The following ENTREP2 variants were observed in gnomAD, a reference collection of about 807,000 sequenced individuals.
ENTREP2 encodes the protein protein ENTREP2.
At chr15:29,444,142 AAGAAAGACAGAC>A in the ENTREP2 span, among the ~76,000 whole-genome samples, 64 of 137,426 alleles carry the variant, frequency 4.7e-4, 6 homozygotes, top group African/African-American at 1.5e-3. Context: ...GACAGACAGA[AAGAAAGACAGAC>A]AGAAAGAAAG....
the ENTREP2 span, among the ~76,000 whole-genome samples, chr15:29,581,346 A>G: frequency 1.3e-5 from 2 of 152,202 alleles, no homozygotes; most frequent in Non-Finnish European, 2.9e-5. Context: ...CCCTATAGAC[A>G]GTGAGAGCAT....
chr15:29,241,931 C>G, the ENTREP2 span, among the ~76,000 whole-genome samples: 1 of 152,104 alleles, frequency 6.6e-6, no homozygotes, highest in African/African-American at 2.4e-5. Flanking sequence ...GTAGTGCCAG[C>G]TGCCTGGAAG....
At chr15:29,159,092 A>C in the ENTREP2 span, among the ~76,000 whole-genome samples, 3 of 152,188 alleles carry the variant, frequency 2.0e-5, no homozygotes, top group African/African-American at 7.2e-5. Flanking sequence ...CACTGACTTC[A>C]AGAACGAAGC....
chr15:29,122,384 G>C, the ENTREP2 span: 1 of 151,734 alleles, frequency 6.6e-6, no homozygotes, highest in Admixed American at 6.6e-5. Flanking sequence ...GCGCAGGTGT[G>C]TCTGCTGCCG....
the ENTREP2 span, among the ~76,000 whole-genome samples, chr15:29,541,683 C>T: frequency 6.6e-6 from 1 of 152,104 alleles, no homozygotes; most frequent in Non-Finnish European, 1.5e-5. Context: ...AAAAGGCACC[C>T]ATGCTTAAAA....
At chr15:29,279,817 C>T in the ENTREP2 span, among the ~76,000 whole-genome samples, 1 of 152,114 alleles carries the variant, frequency 6.6e-6, no homozygotes, top group African/African-American at 2.4e-5. Flanking sequence ...TTTTCACAAA[C>T]TTTATATCAA....
At chr15:29,643,323 AATAG>A in the ENTREP2 span, among the ~76,000 whole-genome samples, 4 of 152,238 alleles carry the variant, frequency 2.6e-5, no homozygotes, top group African/African-American at 7.2e-5. Flanking sequence ...AAAGGATTAG[AATAG>A]ATAGACATTT....
chr15:29,481,350 G>A, the ENTREP2 span, among the ~76,000 whole-genome samples: 3 of 152,202 alleles, frequency 2.0e-5, no homozygotes, highest in African/African-American at 7.2e-5. Context: ...AGGAGATGCA[G>A]AGACTCCTAA....
chr15:29,566,573 C>T, the ENTREP2 span, among the ~76,000 whole-genome samples: 1 of 152,118 alleles, frequency 6.6e-6, no homozygotes, highest in African/African-American at 2.4e-5. Flanking sequence ...TCTCCTGCCT[C>T]AGCCTCCCAA....
the ENTREP2 span, among the ~76,000 whole-genome samples, chr15:29,367,625 A>C: frequency 2.0e-5 from 3 of 152,172 alleles, no homozygotes; most frequent in Non-Finnish European, 4.4e-5. Context: ...CGCTGTGCAT[A>C]TGCCCAGGAA....
the ENTREP2 span, among the ~76,000 whole-genome samples, chr15:29,308,956 GTGTAC>G: frequency 6.6e-6 from 1 of 152,142 alleles, no homozygotes. Context: ...TCCCCACACA[GTGTAC>G]CTGTCCCCAG....
chr15:29,308,531 C>A, the ENTREP2 span, among the ~76,000 whole-genome samples: 1 of 152,216 alleles, frequency 6.6e-6, no homozygotes, highest in East Asian at 1.9e-4. Context: ...AGCTGCCTCC[C>A]CTTACCAGCG....
chr15:29,560,613 CCT>C, the ENTREP2 span, among the ~76,000 whole-genome samples: 4 of 152,004 alleles, frequency 2.6e-5, no homozygotes, highest in Non-Finnish European at 5.9e-5. Flanking sequence ...CTCCGCCACA[CCT>C]CTGTTTTGGG....
chr15:29,486,388 GAAAA>G, the ENTREP2 span, among the ~76,000 whole-genome samples: 3 of 151,884 alleles, frequency 2.0e-5, no homozygotes, highest in Non-Finnish European at 4.4e-5. Context: ...CATAAAAAAA[GAAAA>G]AAAAGAATGA....
chr15:29,304,408 C>A, the ENTREP2 span, among the ~76,000 whole-genome samples: 38 of 152,266 alleles, frequency 2.5e-4, no homozygotes, highest in Admixed American at 5.2e-4. Flanking sequence ...CAATTCTCAA[C>A]AAATGCAAAA....
chr15:29,321,492 CA>C, the ENTREP2 span, among the ~76,000 whole-genome samples: 1 of 151,404 alleles, frequency 6.6e-6, no homozygotes, highest in Non-Finnish European at 1.5e-5. Context: ...AACAAACAAA[CA>C]AAAAAATTAG....
chr15:29,592,951 C>T, the ENTREP2 span, among the ~76,000 whole-genome samples: 1 of 152,188 alleles, frequency 6.6e-6, no homozygotes, highest in African/African-American at 2.4e-5. Context: ...GAGGCCCTTA[C>T]CAGAAGCAGA....
At chr15:29,434,612 T>C in the ENTREP2 span, among the ~76,000 whole-genome samples, 6 of 152,024 alleles carry the variant, frequency 3.9e-5, no homozygotes, top group Non-Finnish European at 7.4e-5. Context: ...GAAAAGAATC[T>C]CACTCTCGCA....
At chr15:29,380,665 A>G in the ENTREP2 span, among the ~76,000 whole-genome samples, 1 of 152,134 alleles carries the variant, frequency 6.6e-6, no homozygotes. Flanking sequence ...TCCTCAGCAC[A>G]ATGCCACGGC....
Sources: gnomAD v4.1 joint callset for allele counts (sites outside exome capture counted in the v4.1 genomes callset) on GRCh38, gnomAD v4.1.1 for gene constraint, MANE v1.5 for transcripts, NCBI Gene and HGNC (gene_info 2026-07-23, HGNC 2026-07-21) for gene names.